The following SGCD variants were observed in gnomAD, a reference collection of about 807,000 sequenced individuals.
SGCD encodes the protein sarcoglycan delta.
A neutral mutation model predicts 36.6 loss-of-function variants in SGCD; 18 were observed. The observed-to-expected ratio is 0.49, with a 90% CI of 0.34 to 0.73. The LOEUF (loss-of-function observed/expected upper bound fraction) is 0.73, where lower values mean the gene tolerates loss of function less well. Ranked by LOEUF, SGCD falls within the 30% of genes least tolerant of loss-of-function variation. SGCD has a pLI of 0.01. For missense variants in SGCD, 387 were observed against 346.7 expected, an observed-to-expected ratio of 1.12 and a Z score of -0.92; for synonymous variants, 133 against 130.6, an observed-to-expected ratio of 1.02 and a Z score of -0.12.
chr5:156,132,700 C>A (rs1762358114), intron 3 of SGCD, among the ~76,000 whole-genome samples: 1 of 151,588 alleles, frequency 6.6e-6, no homozygotes, highest in African/African-American at 2.4e-5. Context: ...GATCTCCTGA[C>A]CTCGTGATCC....
chr5:156,166,346 T>G (rs903404246), intron 3 of SGCD, among the ~76,000 whole-genome samples: 9 of 152,160 alleles, frequency 5.9e-5, no homozygotes, highest in African/African-American at 2.2e-4. Context: ...AGATGGAGTC[T>G]CGCTCTGTCA....
intron 1 of SGCD, among the ~76,000 whole-genome samples, chr5:156,094,392 C>T (rs1256815979): frequency 6.6e-6 from 1 of 152,220 alleles, no homozygotes; most frequent in Non-Finnish European, 1.5e-5. Flanking sequence ...GGTCTTTCTG[C>T]ACAGCTAAGA....
At chr5:156,336,449 G>C (rs1768360121) in intron 2 of SGCD, among the ~76,000 whole-genome samples, 1 of 152,126 alleles carries the variant, frequency 6.6e-6, no homozygotes, top group South Asian at 2.1e-4. Flanking sequence ...TAACAAAAAT[G>C]ACTGGAAACA....
Position 156,369,562 on chromosome 5 carries a change from G to A in SGCD, c.192+24885G>A, listed in dbSNP as rs541737461. On this transcript the variant is annotated intron_variant, in intron 3 of 8. Coordinates refer to ENST00000337851, the MANE Select transcript of SGCD (RefSeq NM_000337.6). ...CCATTAAAGGAGGTGCATGTGCCTT[G>A]CATTTCACTATGGTGCTTGCCACTC... Among the ~76,000 whole-genome samples the A allele has an allele frequency of 7.3e-4, 111 of 152,280 alleles. 1 individual carries two copies. Among genetic ancestry groups the A allele is most frequent in the African/African-American group, 2.6e-3 (107 of 41,568 alleles).
intron 3 of SGCD, among the ~76,000 whole-genome samples, chr5:156,352,385 TTC>T (rs1430657524): frequency 1.3e-5 from 2 of 152,208 alleles, no homozygotes. Context: ...CTCTGGAAAC[TTC>T]TCTCAGTAGC....
intron 6 of SGCD, among the ~76,000 whole-genome samples, chr5:156,643,252 G>A (rs529302033): frequency 5.4e-4 from 82 of 151,956 alleles, no homozygotes; most frequent in African/African-American, 1.9e-3. Flanking sequence ...GGCTGGTTTC[G>A]AACTCCTGAC....
chr5:156,649,028 C>T (rs1763347405), intron 7 of SGCD, among the ~76,000 whole-genome samples: 1 of 152,088 alleles, frequency 6.6e-6, no homozygotes, highest in South Asian at 2.1e-4. Context: ...AGAAGCAGGA[C>T]TCCCATCAAC....
intron 3 of SGCD, among the ~76,000 whole-genome samples, chr5:156,131,113 A>G (rs1762310390): frequency 6.6e-6 from 1 of 152,248 alleles, no homozygotes; most frequent in Admixed American, 6.5e-5. Flanking sequence ...ATTGCTTTAA[A>G]GTGCTCTAAT....
chr5:156,444,107 TC>T (rs1753641594), intron 3 of SGCD, among the ~76,000 whole-genome samples: 1 of 102,320 alleles, frequency 9.8e-6, no homozygotes, highest in African/African-American at 5.5e-5. Context: ...TCTCTCTCTC[TC>T]TCTCTCTCCC....
upstream of SGCD, among the ~76,000 whole-genome samples, chr5:155,867,813 A>G (rs932370676): frequency 6.6e-6 from 1 of 152,202 alleles, no homozygotes; most frequent in Non-Finnish European, 1.5e-5. Context: ...GAACAATTTT[A>G]TGAGTGAGAA....
chr5:156,148,770 A>C (rs952336762), intron 3 of SGCD, among the ~76,000 whole-genome samples: 1 of 152,188 alleles, frequency 6.6e-6, no homozygotes, highest in African/African-American at 2.4e-5. Flanking sequence ...CTTCATGCCT[A>C]TGTGCAGGAG....
At chr5:156,754,937 CAT>C in intron 7 of SGCD, among the ~76,000 whole-genome samples, 1 of 152,254 alleles carries the variant, frequency 6.6e-6, no homozygotes, top group Middle Eastern at 3.4e-3. Flanking sequence ...TGATAAGTAA[CAT>C]ATTCAAAACT....
the SGCD span, among the ~76,000 whole-genome samples, chr5:155,776,729 G>C: frequency 7.2e-6 from 1 of 139,476 alleles, no homozygotes; most frequent in Admixed American, 7.9e-5. Context: ...TTTCTGAAAA[G>C]CAAATTTTCT....
Position 156,058,836 on chromosome 5 carries a change from C to G in SGCD, c.-281-59042C>G, listed in dbSNP as rs116628713. ...CAAAGTAACCTGGAGAAAGGGGAAA[C>G]TGTGTAGGAATATAGATGAAACAAG... On this transcript the variant is annotated intron_variant, in intron 1 of 9. Coordinates refer to the SGCD transcript ENST00000517913. Among the ~76,000 whole-genome samples the G allele has an allele frequency of 4.0e-3, 577 of 145,588 alleles. 39 individuals are homozygous for G. The highest frequency in any genetic ancestry group is 0.013 in the African/African-American group (547 of 40,622).
intron 3 of SGCD, among the ~76,000 whole-genome samples, chr5:156,380,552 G>A (rs1358361224): frequency 6.6e-6 from 1 of 152,182 alleles, no homozygotes; most frequent in Non-Finnish European, 1.5e-5. Context: ...GCTAGCAGGT[G>A]GTTTCACTTG....
At chr5:156,748,717 G>A (rs559080674) in intron 7 of SGCD, among the ~76,000 whole-genome samples, 6 of 152,210 alleles carry the variant, frequency 3.9e-5, no homozygotes, top group African/African-American at 1.4e-4. Context: ...ATATAATATG[G>A]CACCAACAAC....
intron 6 of SGCD, among the ~76,000 whole-genome samples, chr5:156,621,392 C>T (rs1379183924): frequency 2.0e-5 from 3 of 152,078 alleles, no homozygotes; most frequent in Non-Finnish European, 2.9e-5. Flanking sequence ...GGGGTTTCAC[C>T]GTATTGACCA....
At chr5:156,106,221 G>A (rs988214455) in intron 1 of SGCD, among the ~76,000 whole-genome samples, 4 of 151,108 alleles carry the variant, frequency 2.6e-5, no homozygotes, top group Non-Finnish European at 4.4e-5. Context: ...GTAGGGACAG[G>A]ACCTCAAAAC....
chr5:156,344,827 G>C, intron 3 of SGCD, 150 bp downstream of exon 3: 1 of 589,088 alleles, frequency 1.7e-6, no homozygotes, highest in Non-Finnish European at 2.9e-6. Context: ...TTTCTGTTCA[G>C]ATTGAATATG....
Sources: allele counts gnomAD v4.1 joint callset (sites outside exome capture counted in the v4.1 genomes callset), GRCh38; gene constraint gnomAD v4.1.1; transcripts MANE v1.5; gene names NCBI Gene and HGNC (gene_info 2026-07-23, HGNC 2026-07-21).